Variants in VPS37A observed in about 807,000 individuals in gnomAD.
VPS37A encodes vacuolar protein sorting-associated protein 37A.
In VPS37A, 30 loss-of-function variants were observed where a neutral mutation model predicts 49.8. That is an observed-to-expected ratio of 0.60 (90% CI 0.45 to 0.82). The LOEUF is 0.82. VPS37A is among the 40% of genes least tolerant of loss of function. The probability of loss-of-function intolerance (pLI) is 0.00; values close to 1 mark genes in which losing one functional copy is unlikely to be tolerated. For missense variants in VPS37A, 593 were observed against 464.4 expected, an observed-to-expected ratio of 1.28 and a Z score of -2.55; for synonymous variants, 195 against 160.6, an observed-to-expected ratio of 1.21 and a Z score of -1.62.
At chr8:17,329,031 C>T in the VPS37A span, among the ~76,000 whole-genome samples, 1 of 152,172 alleles carries the variant, frequency 6.6e-6, no homozygotes, top group Non-Finnish European at 1.5e-5. Flanking sequence ...TGTTTGAAAC[C>T]AGAACGCAAA....
chr8:17,319,616 G>A, the VPS37A span, among the ~76,000 whole-genome samples: 1 of 152,136 alleles, frequency 6.6e-6, no homozygotes, highest in Non-Finnish European at 1.5e-5. Context: ...GCTTTATATA[G>A]ATTAGCTTTA....
the VPS37A span, among the ~76,000 whole-genome samples, chr8:17,310,637 A>G: frequency 1.4e-4 from 22 of 152,300 alleles, no homozygotes; most frequent in Non-Finnish European, 1.0e-4. Flanking sequence ...CAATGCTATC[A>G]CAGGTAATTG....
At chr8:17,300,817 C>G (rs951092314), downstream of VPS37A, among the ~76,000 whole-genome samples, 1 of 152,226 alleles carries the variant, frequency 6.6e-6, no homozygotes, top group Non-Finnish European at 1.5e-5. Flanking sequence ...CAACTTCTAT[C>G]TCTATGGATT....
the VPS37A span, chr8:17,311,536 T>C: frequency 3.1e-6 from 5 of 1,613,912 alleles, no homozygotes; most frequent in Non-Finnish European, 4.2e-6. Context: ...AGTCCGGTAG[T>C]GAGGGTCCAG....
chr8:17,319,785 T>C, the VPS37A span, among the ~76,000 whole-genome samples: 1 of 152,180 alleles, frequency 6.6e-6, no homozygotes. Context: ...AGTCTGGCTC[T>C]TAATTAATGC....
intron 9 of VPS37A, among the ~76,000 whole-genome samples, chr8:17,282,882 T>C (rs973305476): frequency 6.6e-6 from 1 of 152,188 alleles, no homozygotes; most frequent in African/African-American, 2.4e-5. Context: ...GGTTCCGTGA[T>C]GGAGGAATCT....
chr8:17,275,348 T>C (rs187693088), intron 5 of VPS37A, among the ~76,000 whole-genome samples: 1 of 152,300 alleles, frequency 6.6e-6, no homozygotes, highest in African/African-American at 2.4e-5. Flanking sequence ...AATGCATGCA[T>C]TTATGCTTGA....
intron 1 of VPS37A, among the ~76,000 whole-genome samples, chr8:17,251,492 G>C (rs1335841915): frequency 6.6e-6 from 1 of 152,174 alleles, no homozygotes; most frequent in Non-Finnish European, 1.5e-5. Flanking sequence ...CATAGAATCA[G>C]TGTGCTTGAA....
At position 17,247,329 on chromosome 8, in the gene VPS37A, A is replaced by AAGC. The variant is rs1273115156; in HGVS notation, c.89_91dup (p.Gln30dup). 6.5e-7 allele frequency: 1 copy of AAGC among 1,549,100 alleles called. No homozygotes were observed. Among genetic ancestry groups the AAGC allele is most frequent in the Non-Finnish European group, 8.7e-7 (1 of 1,146,066 alleles). On this transcript the variant is annotated inframe_insertion, in exon 1 of 12. Transcript: ENST00000324849. ...TGGCCTCACCAGCCTCCAGCAGCAG[A>AAGC]AGCAGCGCCTGATCGAGTCCCTCCG...
At chr8:17,308,457 C>T in the VPS37A span, among the ~76,000 whole-genome samples, 2 of 152,126 alleles carry the variant, frequency 1.3e-5, no homozygotes, top group Non-Finnish European at 2.9e-5. Context: ...AATTAGTGAT[C>T]AATTAATGCT....
At chr8:17,279,807 A>C in intron 6 of VPS37A, 2 of 613,018 alleles carry the variant, frequency 3.3e-6, no homozygotes, top group Non-Finnish European at 6.0e-6. Flanking sequence ...ACCAAAATTT[A>C]CTTTTACAGA....
chr8:17,250,952 A>C (rs739335), intron 1 of VPS37A, among the ~76,000 whole-genome samples: 81,387 of 152,066 alleles, frequency 0.54, 25,403 homozygotes, highest in Non-Finnish European at 0.72. Context: ...TCTCTCTTCT[A>C]AGTATCACTT....
chr8:17,315,467 TTGAG>T, the VPS37A span, among the ~76,000 whole-genome samples: 1 of 152,154 alleles, frequency 6.6e-6, no homozygotes, highest in Non-Finnish European at 1.5e-5. Context: ...ACAGTGGACT[TTGAG>T]TGATACCGAT....
intron 11 of VPS37A, among the ~76,000 whole-genome samples, chr8:17,289,088 G>T (rs1345996104): frequency 6.6e-6 from 1 of 152,094 alleles, no homozygotes; most frequent in Non-Finnish European, 1.5e-5. Flanking sequence ...TAAGTTCCTT[G>T]TAGATTCTGG....
chr8:17,309,490 T>C, the VPS37A span, among the ~76,000 whole-genome samples: 29 of 152,308 alleles, frequency 1.9e-4, no homozygotes. Context: ...GAGATGCACA[T>C]GGCAAAGGCA....
intron 1 of VPS37A, among the ~76,000 whole-genome samples, chr8:17,258,798 G>A (rs1456735351): frequency 6.6e-6 from 1 of 151,866 alleles, no homozygotes; most frequent in Non-Finnish European, 1.5e-5. Context: ...CATTATTATT[G>A]GCTTATTGAA....
chr8:17,248,055 T>C (rs893177968), intron 1 of VPS37A: 1 of 439,016 alleles, frequency 2.3e-6, no homozygotes, highest in African/African-American at 2.0e-5. Context: ...ATGGTCAGTT[T>C]AGAAATATTT....
At chr8:17,331,643 T>G in the VPS37A span, among the ~76,000 whole-genome samples, 1 of 152,218 alleles carries the variant, frequency 6.6e-6, no homozygotes, top group Non-Finnish European at 1.5e-5. Context: ...ACCGGTAGGT[T>G]GGCAGAAGAA....
At chr8:17,251,953 G>C (rs1812020417) in intron 1 of VPS37A, among the ~76,000 whole-genome samples, 1 of 152,076 alleles carries the variant, frequency 6.6e-6, no homozygotes, top group Non-Finnish European at 1.5e-5. Flanking sequence ...CCTATCTCAT[G>C]GGATTCTGAG....
Sources: allele counts gnomAD v4.1 joint callset (sites outside exome capture counted in the v4.1 genomes callset), GRCh38; gene constraint gnomAD v4.1.1; transcripts MANE v1.5; gene names NCBI Gene and HGNC (gene_info 2026-07-23, HGNC 2026-07-21).